The following PLCXD3 variants were observed in gnomAD, a reference collection of about 807,000 sequenced individuals.
PLCXD3 encodes phosphatidylinositol specific phospholipase C X domain containing 3.
A neutral mutation model predicts 25.5 loss-of-function variants in PLCXD3; 19 were observed. The ratio of observed to expected loss-of-function variants is 0.75; its 90% CI spans 0.52 to 1.09. The LOEUF is 1.09. Among genes scored for constraint, PLCXD3 ranks in the 50% least tolerant of loss-of-function variants. The pLI, the probability that PLCXD3 is intolerant of heterozygous loss-of-function variation, is 0.00. For synonymous variants in PLCXD3, 174 were observed against 137.6 expected (o/e 1.26, Z -1.85); for missense variants, 411 against 388.1 (o/e 1.06, Z -0.50).
chr5:41,479,964 G>A (rs199536787), intron 1 of PLCXD3, among the ~76,000 whole-genome samples: 1 of 151,998 alleles, frequency 6.6e-6, no homozygotes, highest in South Asian at 2.1e-4. Context: ...ATGGAGAAAA[G>A]AATCTAGTAG....
chr5:41,475,418 C>T lies in PLCXD3; in HGVS notation c.103+35006G>A, dbSNP rs1748258866. On this transcript the variant is annotated intron_variant, in intron 1 of 2. Coordinates refer to ENST00000377801, the MANE Select transcript of PLCXD3 (RefSeq NM_001005473.3). ...TTCTGCTAGTCTCTACTAGTCTTTGCTAGTCTCTGCTAGTCTTTATCTATC... is the reference window on the plus strand; with the variant it reads ...TTCTGCTAGTCTCTACTAGTCTTTGTTAGTCTCTGCTAGTCTTTATCTATC... Among the ~76,000 whole-genome samples, 4 of 152,206 alleles carry T rather than the reference C, an allele frequency of 2.6e-5. No homozygotes were observed. In the South Asian group the frequency reaches 8.3e-4, roughly 31 times the overall value.
rs143972752 is a variant in PLCXD3 at position 41,391,844 on chromosome 5, C to A, written c.104-9310G>T. Among the ~76,000 whole-genome samples, 259 of 152,222 alleles carry A rather than the reference C, an allele frequency of 1.7e-3. 1 individual carries two copies. Among genetic ancestry groups the A allele is most frequent in the Non-Finnish European group, 2.5e-3 (172 of 68,014 alleles). On this transcript the variant is annotated intron_variant, in intron 1 of 2. Coordinates refer to ENST00000377801, the MANE Select transcript of PLCXD3 (RefSeq NM_001005473.3). The stretch of plus-strand genomic sequence containing the variant: ...ATTTCCCTGAAGGGTGAGTCCCAGG[C>A]CAGGCAGCATCTACCACAAGCTGAC...
chr5:41,339,296 G>C (rs1158005685), intron 2 of PLCXD3, among the ~76,000 whole-genome samples: 2 of 152,074 alleles, frequency 1.3e-5, no homozygotes, highest in East Asian at 3.9e-4. Context: ...ACTAAGGAAT[G>C]GGAGCAGAGG....
At chr5:41,507,624 C>A (rs1013267391) in intron 1 of PLCXD3, among the ~76,000 whole-genome samples, 1 of 152,170 alleles carries the variant, frequency 6.6e-6, no homozygotes, top group Non-Finnish European at 1.5e-5. Flanking sequence ...TAACTCTGGG[C>A]AATCTGGGTC....
chr5:41,315,176 AACT>A (rs1743253087), intron 2 of PLCXD3, among the ~76,000 whole-genome samples: 1 of 152,186 alleles, frequency 6.6e-6, no homozygotes, highest in South Asian at 2.1e-4. Context: ...TTGGAATGAG[AACT>A]ACTATAACTT....
intron 2 of PLCXD3, among the ~76,000 whole-genome samples, chr5:41,341,651 T>C (rs915706516): frequency 6.6e-6 from 1 of 152,120 alleles, no homozygotes; most frequent in African/African-American, 2.4e-5. Context: ...TAGCTATGAA[T>C]CATTCCTCTA....
chr5:41,496,480 T>G (rs764510074), intron 1 of PLCXD3, among the ~76,000 whole-genome samples: 1 of 151,906 alleles, frequency 6.6e-6, no homozygotes, highest in South Asian at 2.1e-4. Context: ...ACTAGTCACA[T>G]ACAAGGAAAA....
At chr5:41,407,711 T>C (rs1257267748) in intron 1 of PLCXD3, among the ~76,000 whole-genome samples, 1 of 152,202 alleles carries the variant, frequency 6.6e-6, no homozygotes, top group East Asian at 1.9e-4. Flanking sequence ...TGTATTTCAC[T>C]TGACATAATA....
chr5:41,361,786 T>C lies in PLCXD3; in HGVS notation c.812+20040A>G, dbSNP rs143715457. On this transcript the variant is annotated intron_variant, in intron 2 of 2. Coordinates refer to ENST00000377801, the MANE Select transcript of PLCXD3 (RefSeq NM_001005473.3). The stretch of plus-strand genomic sequence containing the variant: ...ACATTAAAATAAAAAGTCTACATGA[T>C]ACAGAAGTAGTACAGTTACAATAAA... Among the ~76,000 whole-genome samples, 29 of 152,350 alleles carry C rather than the reference T, an allele frequency of 1.9e-4. No homozygotes were observed. In the East Asian group the frequency reaches 4.6e-3, roughly 24 times the overall value.
intron 1 of PLCXD3, among the ~76,000 whole-genome samples, chr5:41,471,823 CT>C (rs2041732954): frequency 2.1e-3 from 9 of 4,234 alleles, no homozygotes; most frequent in Admixed American, 4.0e-3. Flanking sequence ...CTCCCGTCCC[CT>C]CCCCTCCCCT....
At chr5:41,369,146 C>T (rs149496260) in intron 2 of PLCXD3, among the ~76,000 whole-genome samples, 7 of 152,280 alleles carry the variant, frequency 4.6e-5, no homozygotes, top group Non-Finnish European at 1.0e-4. Context: ...GTCTGTGGCA[C>T]TTGCTCTGCT....
chr5:41,403,853 C>T (rs555775958), intron 1 of PLCXD3, among the ~76,000 whole-genome samples: 38 of 150,624 alleles, frequency 2.5e-4, no homozygotes, highest in African/African-American at 7.3e-4. Flanking sequence ...TGAATAGTGC[C>T]GCAATAAACA....
chr5:41,402,318 T>A (rs562423714), intron 1 of PLCXD3, among the ~76,000 whole-genome samples: 1 of 151,908 alleles, frequency 6.6e-6, no homozygotes, highest in South Asian at 2.1e-4. Flanking sequence ...TTTTATAATT[T>A]TCCCTCTGAT....
At chr5:41,359,160 A>C (rs1287686072) in intron 2 of PLCXD3, among the ~76,000 whole-genome samples, 1 of 151,870 alleles carries the variant, frequency 6.6e-6, no homozygotes, top group African/African-American at 2.4e-5. Context: ...TTCATCAGGG[A>C]TTTGGTATGT....
At chr5:41,461,825 C>T (rs1405584404) in intron 1 of PLCXD3, among the ~76,000 whole-genome samples, 2 of 151,934 alleles carry the variant, frequency 1.3e-5, no homozygotes, top group African/African-American at 4.8e-5. Context: ...CCCCTCACTC[C>T]CATCCCAGGG....
chr5:41,323,570 A>G lies in PLCXD3; in HGVS notation c.813-9800T>C, dbSNP rs554480814. On this transcript the variant is annotated intron_variant, in intron 2 of 2. Coordinates refer to ENST00000377801, the MANE Select transcript of PLCXD3 (RefSeq NM_001005473.3). ...GAAAACTGTTAGCTAGGGGAATACT[A>G]TGATTAGATTAGTGATTTAGAGATT... is the stretch of plus-strand genomic sequence containing the variant. Among the ~76,000 whole-genome samples, 4 of 152,320 alleles carry G rather than the reference A, an allele frequency of 2.6e-5. 1 individual carries two copies. The highest frequency in any genetic ancestry group is 9.6e-5 in the African/African-American group (4 of 41,576).
At chr5:41,418,504 A>G (rs2150505388) in intron 1 of PLCXD3, among the ~76,000 whole-genome samples, 2 of 22,012 alleles carry the variant, frequency 9.1e-5, no homozygotes, top group East Asian at 5.8e-4. Context: ...ACTGAAGACT[A>G]AAAAACACAT....
intron 1 of PLCXD3, among the ~76,000 whole-genome samples, chr5:41,426,892 T>C (rs1746967431): frequency 6.6e-6 from 1 of 152,148 alleles, no homozygotes. Flanking sequence ...TAATAATCTA[T>C]CTAAATAGAG....
intron 1 of PLCXD3, among the ~76,000 whole-genome samples, chr5:41,402,547 A>G (rs946715453): frequency 4.9e-4 from 75 of 151,874 alleles, no homozygotes; most frequent in African/African-American, 1.8e-3. Context: ...CTGTTATTGC[A>G]CAAAGTACTA....
Sources: gnomAD v4.1 joint callset for allele counts (sites outside exome capture counted in the v4.1 genomes callset) on GRCh38, gnomAD v4.1.1 for gene constraint, MANE v1.5 for transcripts, NCBI Gene and HGNC (gene_info 2026-07-23, HGNC 2026-07-21) for gene names.